The following LUZP2 variants were observed in gnomAD, a reference collection of about 807,000 sequenced individuals.
LUZP2 encodes the protein leucine zipper protein 2.
Under a neutral mutation model 51.6 loss-of-function variants are expected in LUZP2, and 52 were observed. The ratio of observed to expected loss-of-function variants is 1.01; its 90% CI spans 0.81 to 1.27. The LOEUF (loss-of-function observed/expected upper bound fraction) is 1.27. Among genes scored for constraint, LUZP2 ranks in the 50% most tolerant of loss-of-function variants. The probability of loss-of-function intolerance (pLI) is 0.00; values close to 1 mark genes in which losing one functional copy is unlikely to be tolerated. For missense variants in LUZP2, 436 were observed against 395.4 expected (o/e 1.10, Z -0.87); for synonymous variants, 154 against 137.3 (o/e 1.12, Z -0.85).
chr11:24,594,007 G>A (rs151332351), intron 1 of LUZP2, among the ~76,000 whole-genome samples: 1 of 152,288 alleles, frequency 6.6e-6, no homozygotes, highest in African/African-American at 2.4e-5. Flanking sequence ...ACCTGCCAGA[G>A]TGCCTGGCAC....
intron 10 of LUZP2, among the ~76,000 whole-genome samples, chr11:25,060,821 C>A (rs1000969341): frequency 2.0e-5 from 3 of 152,104 alleles, no homozygotes; most frequent in African/African-American, 4.8e-5. Flanking sequence ...TTTTCCCATT[C>A]CTCTTCTTGT....
intron 5 of LUZP2, among the ~76,000 whole-genome samples, chr11:24,895,398 C>A (rs1280829902): frequency 6.6e-6 from 1 of 151,728 alleles, no homozygotes; most frequent in Non-Finnish European, 1.5e-5. Flanking sequence ...TCAGGGGGTG[C>A]ATGTGTAGGT....
intron 5 of LUZP2, among the ~76,000 whole-genome samples, chr11:24,894,047 C>A (rs2133763845): frequency 6.6e-6 from 1 of 152,182 alleles, no homozygotes; most frequent in East Asian, 1.9e-4. Context: ...CAGATAACTC[C>A]TGTTTTATAT....
intron 1 of LUZP2, among the ~76,000 whole-genome samples, chr11:24,564,398 T>C (rs1283723797): frequency 2.0e-5 from 3 of 152,162 alleles, no homozygotes; most frequent in South Asian, 4.1e-4. Context: ...TTCAGGCTTA[T>C]AGAAATAAGG....
intron 9 of LUZP2, among the ~76,000 whole-genome samples, chr11:24,986,198 G>A (rs1042650363): frequency 4.0e-5 from 6 of 151,570 alleles, no homozygotes; most frequent in African/African-American, 1.5e-4. Flanking sequence ...AAAGTTGACT[G>A]TTAAATTTAC....
At chr11:25,021,453 A>T (rs1266351713) in intron 9 of LUZP2, among the ~76,000 whole-genome samples, 1 of 151,114 alleles carries the variant, frequency 6.6e-6, no homozygotes, top group Non-Finnish European at 1.5e-5. Context: ...GTGTGTACAC[A>T]TGCAGGTGAG....
At chr11:24,877,699 C>G (rs1030016642) in intron 5 of LUZP2, among the ~76,000 whole-genome samples, 2 of 152,054 alleles carry the variant, frequency 1.3e-5, no homozygotes, top group Non-Finnish European at 2.9e-5. Flanking sequence ...GTTTTTCTAA[C>G]TATATTTTTG....
At chr11:24,718,950 A>G (rs1858159060) in intron 1 of LUZP2, among the ~76,000 whole-genome samples, 1 of 152,196 alleles carries the variant, frequency 6.6e-6, no homozygotes, top group Non-Finnish European at 1.5e-5. Flanking sequence ...TAGACAAAAC[A>G]CATTTAAATA....
At chr11:24,659,758 CTTCT>C (rs1855952646) in intron 1 of LUZP2, among the ~76,000 whole-genome samples, 1 of 151,780 alleles carries the variant, frequency 6.6e-6, no homozygotes, top group Admixed American at 6.6e-5. Context: ...AATATATGTG[CTTCT>C]TTATTAGTGT....
intron 1 of LUZP2, among the ~76,000 whole-genome samples, chr11:24,590,106 C>A (rs191835347): frequency 6.4e-4 from 97 of 152,256 alleles, no homozygotes; most frequent in Non-Finnish European, 8.8e-5. Context: ...TTCAACCTTT[C>A]TTCAAGACAT....
intron 1 of LUZP2, among the ~76,000 whole-genome samples, chr11:24,552,432 G>A (rs531414359): frequency 6.6e-6 from 1 of 151,928 alleles, no homozygotes; most frequent in Admixed American, 6.6e-5. Flanking sequence ...CCACCATGAT[G>A]CCTACTGTTT....
intron 1 of LUZP2, among the ~76,000 whole-genome samples, chr11:24,576,945 G>A (rs755847476): frequency 1.6e-4 from 24 of 151,656 alleles, no homozygotes; most frequent in African/African-American, 5.1e-4. Context: ...TAAAAGAATC[G>A]TATGTTCAAT....
At chr11:24,845,480 G>A (rs1254544143) in intron 5 of LUZP2, among the ~76,000 whole-genome samples, 4 of 152,118 alleles carry the variant, frequency 2.6e-5, no homozygotes, top group African/African-American at 9.7e-5. Context: ...GACTTTGGGG[G>A]ACTGTTGGGA....
At chr11:24,597,342 T>C (rs1853476401) in intron 1 of LUZP2, among the ~76,000 whole-genome samples, 1 of 152,202 alleles carries the variant, frequency 6.6e-6, no homozygotes, top group Non-Finnish European at 1.5e-5. Context: ...ACTCTATTGA[T>C]ATACAGTAAG....
intron 1 of LUZP2, among the ~76,000 whole-genome samples, chr11:24,517,483 CAAAAAAAAAAAAAA>C (rs71041768): frequency 4.5e-5 from 2 of 44,154 alleles, no homozygotes; most frequent in South Asian, 1.5e-3. Flanking sequence ...CAGACGCCGT[CAAAAAAAAAAAAAA>C]AAAAAAAAAA....
intron 10 of LUZP2, among the ~76,000 whole-genome samples, chr11:25,056,297 T>A (rs1172017751): frequency 6.6e-6 from 1 of 152,026 alleles, no homozygotes; most frequent in Non-Finnish European, 1.5e-5. Context: ...AATAGAATAA[T>A]GAAAAACAGC....
chr11:24,532,359 A>C (rs1281944333), intron 1 of LUZP2, among the ~76,000 whole-genome samples: 1 of 151,112 alleles, frequency 6.6e-6, no homozygotes, highest in Non-Finnish European at 1.5e-5. Flanking sequence ...ATTAAAGTCT[A>C]AACATTAAAA....
chr11:24,938,864 G>A (rs1854664428), intron 7 of LUZP2, among the ~76,000 whole-genome samples: 1 of 152,112 alleles, frequency 6.6e-6, no homozygotes, highest in African/African-American at 2.4e-5. Context: ...CTTTGTTGGT[G>A]TTTGACAATT....
At chr11:25,067,192 G>T (rs1355942594) in intron 10 of LUZP2, among the ~76,000 whole-genome samples, 1 of 151,924 alleles carries the variant, frequency 6.6e-6, no homozygotes, top group Non-Finnish European at 1.5e-5. Context: ...CTTTAGAGAA[G>T]TGTTTGTTCA....
Sources: gnomAD v4.1 joint callset for allele counts (sites outside exome capture counted in the v4.1 genomes callset) on GRCh38, gnomAD v4.1.1 for gene constraint, MANE v1.5 for transcripts, NCBI Gene and HGNC (gene_info 2026-07-23, HGNC 2026-07-21) for gene names.